Variants in DNAH11 observed in about 807,000 individuals in gnomAD.
DNAH11 encodes dynein axonemal heavy chain 11.
Under a neutral mutation model 526.0 loss-of-function variants are expected in DNAH11, and 442 were observed. The observed-to-expected ratio is 0.84, with a 90% confidence interval of 0.78 to 0.91. The LOEUF (loss-of-function observed/expected upper bound fraction) is 0.91, where lower values mean the gene tolerates loss of function less well. Ranked by LOEUF, DNAH11 falls within the 40% of genes least tolerant of loss-of-function variation. The probability of loss-of-function intolerance (pLI) is 0.00; values close to 1 mark genes in which losing one functional copy is unlikely to be tolerated. For synonymous variants in DNAH11, 2,461 were observed against 1,935.9 expected (o/e 1.27, Z -7.12); for missense variants, 6,989 against 5,448.7 (o/e 1.28, Z -8.90).
chr7:21,748,225 T>C (rs921762152), intron 51 of DNAH11, among the ~76,000 whole-genome samples: 6 of 152,318 alleles, frequency 3.9e-5, no homozygotes, highest in African/African-American at 9.6e-5. Flanking sequence ...TGCTCATGCC[T>C]GTAATCCCAG....
Position 21,900,553 on chromosome 7 carries a change from C to T in DNAH11, c.13303+433C>T, listed in dbSNP as rs1402250528. Reference sequence around the variant, plus strand: ...ATCTCTAAGAGGGGGTTAGACTATGCAATATTTTCCAAATTTATCTGGCCA... The same window carrying T: ...ATCTCTAAGAGGGGGTTAGACTATGTAATATTTTCCAAATTTATCTGGCCA... On this transcript the variant is annotated intron_variant, in intron 81 of 81. Transcript: ENST00000409508. 2.0e-4 allele frequency among the ~76,000 whole-genome samples: 31 copies of T among 152,192 alleles called. 1 individual carries two copies. Among genetic ancestry groups the T allele is most frequent in the Admixed American group, 2.0e-3 (31 of 15,282 alleles).
intron 79 of DNAH11, among the ~76,000 whole-genome samples, chr7:21,896,505 C>G (rs952682432): frequency 6.6e-6 from 1 of 152,120 alleles, no homozygotes; most frequent in South Asian, 2.1e-4. Flanking sequence ...TCTCTTTACC[C>G]TTGATGTTCA....
At chr7:21,847,932 G>A (rs1458968847) in intron 66 of DNAH11, among the ~76,000 whole-genome samples, 2 of 152,102 alleles carry the variant, frequency 1.3e-5, no homozygotes, top group Non-Finnish European at 2.9e-5. Flanking sequence ...TTGGGAGGCT[G>A]AGACGGGCGG....
chr7:21,793,071 G>A (rs1788545288), intron 61 of DNAH11, among the ~76,000 whole-genome samples: 1 of 152,002 alleles, frequency 6.6e-6, no homozygotes, highest in African/African-American at 2.4e-5. Flanking sequence ...GAATATATTA[G>A]GTTTCCATTT....
In DNAH11 at chr7:21,543,219, C is replaced by A. The variant is rs72655966; in HGVS notation, c.-27C>A. On this transcript the variant is annotated 5_prime_UTR_variant, in exon 1 of 82. Transcript: ENST00000409508. The stretch of plus-strand genomic sequence containing the variant: ...GAGTCTCGGGTGAGGAGCCAGCCGG[C>A]CTCGCGTTCCCTCGGACGGTTGCCC... 20,025 of 1,493,650 alleles carry A rather than the reference C, an allele frequency of 0.013. 148 individuals carry two copies. The highest frequency in any genetic ancestry group is 0.016 in the Non-Finnish European group (17,792 of 1,124,494). The allele number at this position is 1,493,650 out of a possible 1,614,324, so 92.5% of individuals were successfully genotyped here. A position where few individuals can be genotyped will look rare whatever the true frequency, so the allele number is the denominator to read the frequency against.
intron 68 of DNAH11, 73 bp from the exon 69 acceptor site, chr7:21,861,766 ACCTTAAACTGTTGC>A (rs1217876425): frequency 2.0e-6 from 3 of 1,535,944 alleles, no homozygotes; most frequent in Non-Finnish European, 2.6e-6. Context: ...CTATAGATAA[ACCTTAAACTGTTGC>A]CCTGTGTATC....
At chr7:21,879,370 T>G (rs1783829876) in intron 74 of DNAH11, among the ~76,000 whole-genome samples, 1 of 151,842 alleles carries the variant, frequency 6.6e-6, no homozygotes, top group African/African-American at 2.4e-5. Context: ...GGCAGAAGAA[T>G]CGCCTGAACC....
intron 30 of DNAH11, among the ~76,000 whole-genome samples, chr7:21,662,437 A>T (rs1782274534): frequency 6.6e-6 from 1 of 152,168 alleles, no homozygotes; most frequent in African/African-American, 2.4e-5. Context: ...AGGAAGTTGC[A>T]GATACCATAA....
At chr7:21,634,920 A>G (rs1321271956) in intron 25 of DNAH11, among the ~76,000 whole-genome samples, 4 of 152,228 alleles carry the variant, frequency 2.6e-5, no homozygotes, top group Non-Finnish European at 4.4e-5. Flanking sequence ...CATACTAACC[A>G]TATTTTAATT....
intron 77 of DNAH11, among the ~76,000 whole-genome samples, chr7:21,893,858 A>G (rs560483162): frequency 7.0e-4 from 106 of 152,304 alleles, no homozygotes; most frequent in Admixed American, 3.3e-4. Flanking sequence ...TTACGCTTAA[A>G]AGGCTTATTT....
At chr7:21,773,650 T>C in intron 55 of DNAH11, 116 bp from the exon 56 acceptor site, 11 of 786,424 alleles carry the variant, frequency 1.4e-5, no homozygotes, top group East Asian at 8.3e-5. Context: ...TCGTAGGTTA[T>C]ACTATCATTT....
intron 66 of DNAH11, among the ~76,000 whole-genome samples, chr7:21,848,927 C>G (rs956515791): frequency 4.6e-5 from 7 of 151,990 alleles, no homozygotes; most frequent in African/African-American, 1.7e-4. Flanking sequence ...CTCTTGTTGC[C>G]CAGGCTGGAG....
intron 46 of DNAH11, among the ~76,000 whole-genome samples, chr7:21,737,399 C>T (rs1208667523): frequency 6.6e-6 from 1 of 152,148 alleles, no homozygotes; most frequent in African/African-American, 2.4e-5. Flanking sequence ...TCCCAGGCAA[C>T]CACCGATGGT....
chr7:21,813,819 C>G (rs919208753), intron 63 of DNAH11, among the ~76,000 whole-genome samples: 1 of 152,212 alleles, frequency 6.6e-6, no homozygotes, highest in Non-Finnish European at 1.5e-5. Flanking sequence ...AGACTTTGAA[C>G]TTAAAGGGTT....
chr7:21,878,041 A>G (rs1362485692), intron 74 of DNAH11, among the ~76,000 whole-genome samples: 1 of 152,190 alleles, frequency 6.6e-6, no homozygotes, highest in African/African-American at 2.4e-5. Flanking sequence ...CATTGTGCAT[A>G]TAAAATTGGT....
At chr7:21,550,480 T>C (rs1782979550) in intron 2 of DNAH11, among the ~76,000 whole-genome samples, 3 of 152,168 alleles carry the variant, frequency 2.0e-5, no homozygotes, top group African/African-American at 7.2e-5. Context: ...ATATAATAAC[T>C]TGTAGAGGGA....
chr7:21,888,120 C>T (rs1784196144), intron 76 of DNAH11, among the ~76,000 whole-genome samples: 2 of 152,160 alleles, frequency 1.3e-5, no homozygotes, highest in African/African-American at 2.4e-5. Context: ...TGCCTCACTT[C>T]ATTCATTTAT....
chr7:21,824,716 C>T (rs1405824580), intron 65 of DNAH11, among the ~76,000 whole-genome samples: 2 of 152,096 alleles, frequency 1.3e-5, no homozygotes, highest in African/African-American at 4.8e-5. Flanking sequence ...TGTTTTAACA[C>T]GTGTGTGTAT....
intron 65 of DNAH11, among the ~76,000 whole-genome samples, chr7:21,840,820 G>T (rs1169176668): frequency 6.6e-6 from 1 of 152,248 alleles, no homozygotes; most frequent in African/African-American, 2.4e-5. Context: ...AAGTAGAGAT[G>T]TTGAGGCAGA....
Sources: gnomAD v4.1 joint callset for allele counts (sites outside exome capture counted in the v4.1 genomes callset) on GRCh38, gnomAD v4.1.1 for gene constraint, MANE v1.5 for transcripts, NCBI Gene and HGNC (gene_info 2026-07-23, HGNC 2026-07-21) for gene names.